GALK2: variants seen among roughly 807,000 people sequenced by gnomAD.
GALK2 encodes the protein galactokinase 2.
GALK2 carries 36 observed loss-of-function variants against 52.4 expected under a neutral mutation model. That is an observed-to-expected ratio of 0.69 (90% CI 0.53 to 0.91). GALK2 has a LOEUF of 0.91. GALK2 is among the 40% of genes least tolerant of loss of function. GALK2 has a pLI of 0.00. For missense variants in GALK2, 579 were observed against 559.1 expected (o/e 1.04, Z -0.36); for synonymous variants, 176 against 199.1 (o/e 0.88, Z 0.98).
chr15:49,283,372 A>G (rs1372407656), intron 6 of GALK2, among the ~76,000 whole-genome samples, 194 bp from the exon 7 acceptor site: 1 of 152,178 alleles, frequency 6.6e-6, no homozygotes, highest in Non-Finnish European at 1.5e-5. Context: ...TGCGGGCTCT[A>G]TGAGAGGAAT....
Position 49,197,639 on chromosome 15 carries a change from T to C in GALK2, c.54-3523T>C, listed in dbSNP as rs545006943. ...TGTGTTAAATACTTAAATGTGGAATTTTCCACTTATAACGTCATGTCTGTG... is the reference window on the plus strand; with the variant it reads ...TGTGTTAAATACTTAAATGTGGAATCTTCCACTTATAACGTCATGTCTGTG... On this transcript the variant is annotated intron_variant, in intron 1 of 9. Coordinates refer to ENST00000560031, the MANE Select transcript of GALK2 (RefSeq NM_002044.4). Among the ~76,000 whole-genome samples the C allele has an allele frequency of 9.0e-4, 137 of 152,302 alleles. 5 individuals are homozygous for C. The South Asian group carries it at 0.027, about 30-fold the overall frequency.
chr15:49,299,798 G>T (rs1291447426), intron 8 of GALK2, among the ~76,000 whole-genome samples: 1,448 of 81,370 alleles, frequency 0.018, 45 homozygotes, highest in African/African-American at 0.044. Flanking sequence ...TTTCTTTCGT[G>T]CTGTAGTCTG....
chr15:49,221,735 G>A (rs185664604), intron 3 of GALK2, among the ~76,000 whole-genome samples: 31 of 151,788 alleles, frequency 2.0e-4, no homozygotes, highest in African/African-American at 7.5e-4. Flanking sequence ...TGTATTTCTG[G>A]GTTCTCCCTT....
intron 1 of GALK2, among the ~76,000 whole-genome samples, chr15:49,163,279 ATCT>A (rs1364906733): frequency 6.6e-6 from 1 of 152,162 alleles, no homozygotes; most frequent in Non-Finnish European, 1.5e-5. Flanking sequence ...TCATCTATGT[ATCT>A]TCTTTGGTGA....
chr15:49,271,735 A>G (rs1043431023), intron 5 of GALK2, among the ~76,000 whole-genome samples: 5 of 152,234 alleles, frequency 3.3e-5, no homozygotes, highest in African/African-American at 1.2e-4. Context: ...GTTAGCTGGC[A>G]TTACAATTAT....
intron 4 of GALK2, 87 bp from the exon 5 acceptor site, chr15:49,239,134 T>C: frequency 8.6e-7 from 1 of 1,162,730 alleles, no homozygotes; most frequent in Non-Finnish European, 1.3e-6. Context: ...ATTGATAGAC[T>C]TTTGTTCTCT....
rs182022714 is a variant in GALK2, at chr15:49,329,238, T to C, written c.*1079T>C. On this transcript the variant is annotated 3_prime_UTR_variant, in exon 10 of 10. Transcript: ENST00000560031. ...AATGGTATTGATGGGTATCTCTGTA[T>C]GTATATCAAGAGTGGGCAGAAATGT... 316 of 985,766 alleles carry C rather than the reference T, an allele frequency of 3.2e-4. 1 individual carries two copies. In the African/African-American group the frequency reaches 4.2e-3, roughly 13 times the overall value. 61.1% of individuals were successfully genotyped at this position (985,766 alleles called of 1,614,324 possible).
chr15:49,275,912 A>G (rs558713813), intron 5 of GALK2, among the ~76,000 whole-genome samples: 11 of 152,312 alleles, frequency 7.2e-5, no homozygotes, highest in African/African-American at 2.4e-4. Flanking sequence ...GAAGCCCACA[A>G]GGCTTTTGTT....
intron 3 of GALK2, among the ~76,000 whole-genome samples, chr15:49,362,355 A>C (rs1161810600): frequency 6.6e-6 from 1 of 152,112 alleles, no homozygotes; most frequent in African/African-American, 2.4e-5. Context: ...TCCCCTTCAC[A>C]TTCTGCTGTG....
intron 9 of GALK2, chr15:49,327,389 C>CT (rs2037696204): frequency 6.6e-6 from 1 of 152,178 alleles, no homozygotes; most frequent in Admixed American, 6.5e-5. Context: ...TAATAACACG[C>CT]TTTTTGTTGA....
At chr15:49,251,059 G>A (rs979351139) in intron 5 of GALK2, among the ~76,000 whole-genome samples, 9 of 152,154 alleles carry the variant, frequency 5.9e-5, no homozygotes, top group Non-Finnish European at 1.3e-4. Flanking sequence ...CTTGTATTAT[G>A]AGGCCAGTAA....
intron 5 of GALK2, among the ~76,000 whole-genome samples, chr15:49,260,286 G>A (rs1346522164): frequency 7.2e-5 from 11 of 152,186 alleles, no homozygotes; most frequent in Non-Finnish European, 1.3e-4. Context: ...ACTGGTGTGA[G>A]ATGGTATCTC....
rs142803824 is a variant in GALK2, at chr15:49,227,049, G to A, written c.267-8802G>A. ...AGGCTTGTTATGTGTCCTAACATATGGTCTATCCTGGAGAATGTTTCATCT... is the reference window on the plus strand; with the variant it reads ...AGGCTTGTTATGTGTCCTAACATATAGTCTATCCTGGAGAATGTTTCATCT... On this transcript the variant is annotated intron_variant, in intron 3 of 9. Coordinates refer to ENST00000560031, the MANE Select transcript of GALK2 (RefSeq NM_002044.4). Among the ~76,000 whole-genome samples, 276 of 152,300 alleles carry A rather than the reference G, an allele frequency of 1.8e-3. 2 individuals are homozygous for A. Among genetic ancestry groups the A allele is most frequent in the African/African-American group, 6.1e-3 (255 of 41,560 alleles).
chr15:49,271,770 TA>T (rs1462303982), intron 5 of GALK2, among the ~76,000 whole-genome samples: 2 of 152,208 alleles, frequency 1.3e-5, no homozygotes, highest in Non-Finnish European at 2.9e-5. Context: ...CATACCAAGC[TA>T]TTAGCCCTAT....
chr15:49,363,894 C>T (rs1456174795), intron 3 of GALK2, among the ~76,000 whole-genome samples: 5 of 152,002 alleles, frequency 3.3e-5, no homozygotes, highest in African/African-American at 1.2e-4. Context: ...GTTTTTAGTT[C>T]TGTTTAATGT....
chr15:49,209,417 G>A (rs1422999536), intron 2 of GALK2, among the ~76,000 whole-genome samples: 1 of 152,088 alleles, frequency 6.6e-6, no homozygotes, highest in Non-Finnish European at 1.5e-5. Context: ...CTAGTGCTTA[G>A]ACAAAAAGCT....
rs1343389602 is a variant in GALK2 at position 49,192,489 on chromosome 15, A to G, written c.54-8673A>G. Among the ~76,000 whole-genome samples, 69 of 23,814 alleles carry G rather than the reference A, an allele frequency of 2.9e-3. 1 individual carries two copies. The highest frequency in any genetic ancestry group is 7.2e-3 in the African/African-American group (54 of 7,540). The allele number at this position is 23,814 out of a possible 152,430, so 15.6% of individuals were successfully genotyped here. A position where few individuals can be genotyped will look rare whatever the true frequency, so the allele number is the denominator to read the frequency against. On this transcript the variant is annotated intron_variant, in intron 1 of 9. Coordinates refer to ENST00000560031, the MANE Select transcript of GALK2 (RefSeq NM_002044.4). ...CAATGAATATTATATATATATGTAT[A>G]TATATATATATATATATATATATAT...
chr15:49,278,076 C>A (rs1485266350), intron 5 of GALK2, among the ~76,000 whole-genome samples: 2 of 151,868 alleles, frequency 1.3e-5, no homozygotes, highest in East Asian at 2.0e-4. Context: ...TCCTGGCTAA[C>A]ACGGTGAAAC....
intron 3 of GALK2, chr15:49,225,417 T>G (rs1174525473): frequency 5.6e-6 from 2 of 358,186 alleles, no homozygotes; most frequent in East Asian, 1.5e-4. Flanking sequence ...GCAGTGGCAT[T>G]AGACTGTCAT....
Sources: gnomAD v4.1 joint callset for allele counts (sites outside exome capture counted in the v4.1 genomes callset) on GRCh38, gnomAD v4.1.1 for gene constraint, MANE v1.5 for transcripts, NCBI Gene and HGNC (gene_info 2026-07-23, HGNC 2026-07-21) for gene names.